ZNF578: variants seen among roughly 807,000 people sequenced by gnomAD.
ZNF578 encodes zinc finger protein 578.
A neutral mutation model predicts 8.3 loss-of-function variants in ZNF578; 8 were observed. The observed-to-expected ratio is 0.96, with a 90% confidence interval of 0.56 to 1.74. ZNF578 has a LOEUF of 1.74. Ranked by LOEUF, ZNF578 falls within the 40% of genes most tolerant of loss-of-function variation. The pLI is 0.00. For synonymous variants in ZNF578, 206 were observed against 232.2 expected, an observed-to-expected ratio of 0.89 and a Z score of 1.03; for missense variants, 726 against 707.5, an observed-to-expected ratio of 1.03 and a Z score of -0.30.
At chr19:52,477,814 G>T (rs2059312928) in intron 2 of ZNF578, among the ~76,000 whole-genome samples, 1 of 152,170 alleles carries the variant, frequency 6.6e-6, no homozygotes, top group Admixed American at 6.5e-5. Context: ...TAGGGTTAAG[G>T]TTAACATTTC....
rs376616223 is a variant in ZNF578 at position 52,511,393 on chromosome 19, A to G, written c.1012A>G (p.Thr338Ala). The G allele has an allele frequency of 9.3e-6, 15 of 1,614,054 alleles. No homozygotes were observed. The African/African-American group carries it at 1.9e-4, about 20-fold the overall frequency. The change falls in exon 6 of 6, where the codon ACT (threonine) becomes GCT (alanine). Residue 338 changes from threonine (T) to alanine (A), a missense_variant. Transcript: ENST00000421239. ...SSLTCHHRCH[T>A]GEKPYKCNEC... ...CCTTACATGCCATCATAGGTGTCACACTGGTGAGAAACCTTACAAGTGTAA... is the reference window on the plus strand; with the variant it reads ...CCTTACATGCCATCATAGGTGTCACGCTGGTGAGAAACCTTACAAGTGTAA...
intron 2 of ZNF578, among the ~76,000 whole-genome samples, chr19:52,468,122 T>G (rs1261150622): frequency 6.6e-6 from 1 of 152,152 alleles, no homozygotes; most frequent in Non-Finnish European, 1.5e-5. Context: ...AAAAGGAAAC[T>G]TTTTAAAATT....
rs1201282775 is a variant in ZNF578 at position 52,514,228 on chromosome 19, G to A, written c.*2074G>A. Among the ~76,000 whole-genome samples, 1 of 152,032 alleles carries A rather than the reference G, an allele frequency of 6.6e-6. No homozygotes were observed. The highest frequency in any genetic ancestry group is 1.5e-5 in the Non-Finnish European group (1 of 68,014). ...CTGAAAGATGCCTTTGCAGCATCCT[G>A]TAATCAGCTCACATCATTCGTTTCT... On this transcript the variant is annotated 3_prime_UTR_variant, in exon 6 of 6. Coordinates refer to ENST00000421239, the MANE Select transcript of ZNF578 (RefSeq NM_001099694.2).
intron 1 of ZNF578, chr19:52,456,129 C>A (rs1201006006): frequency 1.3e-5 from 2 of 152,406 alleles, no homozygotes; most frequent in Non-Finnish European, 2.9e-5. Context: ...TCTGATATCA[C>A]CTTCTCAGTG....
intron 3 of ZNF578, among the ~76,000 whole-genome samples, chr19:52,498,592 C>G (rs1426129636): frequency 6.6e-6 from 1 of 151,596 alleles, no homozygotes; most frequent in African/African-American, 2.4e-5. Context: ...ACCATATTGG[C>G]CAGGATGGTC....
rs2059471094 is a variant in ZNF578 at position 52,515,591 on chromosome 19, C to G, written c.*3437C>G. Among the ~76,000 whole-genome samples, 1 of 152,132 alleles carries G rather than the reference C, an allele frequency of 6.6e-6. No homozygotes were observed. Among genetic ancestry groups the G allele is most frequent in the Admixed American group, 6.5e-5 (1 of 15,276 alleles). ...CTCATCTCAGACCTTCTCAGGGTAA[C>G]TTGGTGAAAATGTCTTCCGATCTGA... On this transcript the variant is annotated 3_prime_UTR_variant, in exon 6 of 6. Transcript: ENST00000421239.
At chr19:52,460,000 C>T (rs768221568) in intron 2 of ZNF578, among the ~76,000 whole-genome samples, 2 of 150,110 alleles carry the variant, frequency 1.3e-5, no homozygotes, top group Admixed American at 6.7e-5. Context: ...CTGTTGACCT[C>T]GTGATCCACC....
At position 52,514,901 on chromosome 19, in the gene ZNF578, T is replaced by C. The variant is rs1020058027; in HGVS notation, c.*2747T>C. ...TGGTCTCAAACTCCTGACCTCGCGA[T>C]CCACCCGACTCAGCCTCCCACTGTG... On this transcript the variant is annotated 3_prime_UTR_variant, in exon 6 of 6. Coordinates refer to ENST00000421239, the MANE Select transcript of ZNF578 (RefSeq NM_001099694.2). Among the ~76,000 whole-genome samples the C allele has an allele frequency of 3.3e-5, 5 of 151,004 alleles. No individual in the cohort carries two copies. The highest frequency in any genetic ancestry group is 7.4e-5 in the Non-Finnish European group (5 of 67,882).
intron 2 of ZNF578, among the ~76,000 whole-genome samples, chr19:52,481,345 G>A (rs10412935): frequency 0.019 from 2,869 of 152,272 alleles, 83 homozygotes; most frequent in African/African-American, 0.058. Context: ...GAGAAGGAAC[G>A]CGGGAATTAA....
intron 2 of ZNF578, among the ~76,000 whole-genome samples, chr19:52,461,570 G>T (rs2059258054): frequency 6.6e-6 from 1 of 152,044 alleles, no homozygotes; most frequent in Admixed American, 6.6e-5. Flanking sequence ...TCCTTCTCTG[G>T]CCCTTACCAG....
At chr19:52,504,883 T>G in intron 5 of ZNF578, 102 bp downstream of exon 5, 2 of 1,127,386 alleles carry the variant, frequency 1.8e-6, no homozygotes, top group East Asian at 3.1e-5. Flanking sequence ...TACGTGGTTT[T>G]TTTGTTTGAT....
intron 2 of ZNF578, among the ~76,000 whole-genome samples, chr19:52,488,918 A>G (rs1036427454): frequency 6.6e-6 from 1 of 151,992 alleles, no homozygotes; most frequent in Non-Finnish European, 1.5e-5. Flanking sequence ...TACATGGTGA[A>G]ACCCCGTCTC....
Position 52,506,462 on chromosome 19 carries a change from C to CTTT in ZNF578, c.190+1702_190+1704dup, listed in dbSNP as rs35676968. 2.1e-3 allele frequency among the ~76,000 whole-genome samples: 225 copies of CTTT among 109,106 alleles called. 3 individuals are homozygous for CTTT. Among genetic ancestry groups the CTTT allele is most frequent in the South Asian group, 7.0e-3 (20 of 2,860 alleles). The allele number at this position is 109,106 out of a possible 152,430, so 71.6% of individuals were successfully genotyped here. ...CACATCTCTATTAAAAGTACAGTTTCTTTTTTTTTTTTTTTTTTTTTTTAA... is the reference window on the plus strand; with the variant it reads ...CACATCTCTATTAAAAGTACAGTTTCTTTTTTTTTTTTTTTTTTTTTTTTTTAA... On this transcript the variant is annotated intron_variant, in intron 5 of 5. Transcript: ENST00000421239.
At chr19:52,491,672 G>A (rs558250740) in intron 3 of ZNF578, among the ~76,000 whole-genome samples, 2 of 151,750 alleles carry the variant, frequency 1.3e-5, no homozygotes, top group Non-Finnish European at 2.9e-5. Context: ...CCACGATCTC[G>A]CAACTGCACC....
intron 2 of ZNF578, among the ~76,000 whole-genome samples, chr19:52,484,999 A>G (rs1255749742): frequency 6.9e-6 from 1 of 144,574 alleles, no homozygotes; most frequent in Non-Finnish European, 1.5e-5. Context: ...TGTGAGCAAC[A>G]TGGCTGTTTA....
chr19:52,476,709 A>T (rs1205716770), intron 2 of ZNF578, among the ~76,000 whole-genome samples: 1 of 152,218 alleles, frequency 6.6e-6, no homozygotes, highest in Non-Finnish European at 1.5e-5. Flanking sequence ...CCAGACCAAG[A>T]CAAAGTAAAA....
chr19:52,498,843 T>C (rs924203233), intron 3 of ZNF578, among the ~76,000 whole-genome samples: 3 of 152,156 alleles, frequency 2.0e-5, no homozygotes, highest in Admixed American at 2.0e-4. Context: ...CCACGATGCC[T>C]GGCTAATTTT....
At position 52,488,525 on chromosome 19, in the gene ZNF578, C is replaced by T. The variant is rs865837206; in HGVS notation, c.-121-2799C>T. 5.1e-4 allele frequency among the ~76,000 whole-genome samples: 77 copies of T among 151,532 alleles called. 1 individual carries two copies. The highest frequency in any genetic ancestry group is 1.7e-3 in the African/African-American group (71 of 41,300). Reference sequence around the variant, plus strand: ...TCAGGAGGCTGAGGCAGGAGAATGGCGTGAACCCGGTAGGCGGAGCTTGCA... The same window carrying T: ...TCAGGAGGCTGAGGCAGGAGAATGGTGTGAACCCGGTAGGCGGAGCTTGCA... On this transcript the variant is annotated intron_variant, in intron 2 of 5. Coordinates refer to ENST00000421239, the MANE Select transcript of ZNF578 (RefSeq NM_001099694.2).
At chr19:52,454,150 T>G (rs562963033) in intron 1 of ZNF578, 6 of 152,314 alleles carry the variant, frequency 3.9e-5, no homozygotes, top group Admixed American at 1.3e-4. Flanking sequence ...ACACTCAGTG[T>G]TTTTCCGTTC....
Sources: allele counts gnomAD v4.1 joint callset (sites outside exome capture counted in the v4.1 genomes callset), GRCh38; gene constraint gnomAD v4.1.1; transcripts MANE v1.5; gene names NCBI Gene and HGNC (gene_info 2026-07-23, HGNC 2026-07-21).